LRMDA: variants seen among roughly 807,000 people sequenced by gnomAD.
The protein encoded by LRMDA is leucine-rich melanocyte differentiation-associated protein.
Under a neutral mutation model 29.8 loss-of-function variants are expected in LRMDA, and 18 were observed. The observed-to-expected ratio is 0.60, with a 90% confidence interval of 0.42 to 0.90. The LOEUF is 0.90. Among genes scored for constraint, LRMDA ranks in the 40% least tolerant of loss-of-function variants. The pLI, the probability that LRMDA is intolerant of heterozygous loss-of-function variation, is 0.00. For synonymous variants in LRMDA, 125 were observed against 109.4 expected (o/e 1.14, Z -0.89); for missense variants, 273 against 273.9 (o/e 1.00, Z 0.02).
At chr10:75,661,141 G>A (rs77040688) in intron 2 of LRMDA, among the ~76,000 whole-genome samples, 2,520 of 152,232 alleles carry the variant, frequency 0.017, 61 homozygotes, top group African/African-American at 0.056. Flanking sequence ...AGGCACACGG[G>A]CTGGGGGAGG....
At chr10:76,036,443 GAAA>G (rs1444373880) in intron 3 of LRMDA, among the ~76,000 whole-genome samples, 1 of 152,192 alleles carries the variant, frequency 6.6e-6, no homozygotes, top group African/African-American at 2.4e-5. Context: ...AATAGAGAAA[GAAA>G]ATAATGTCAC....
chr10:75,578,833 GA>G (rs138199632), intron 2 of LRMDA, among the ~76,000 whole-genome samples: 1,476 of 135,512 alleles, frequency 0.011, 16 homozygotes, highest in Middle Eastern at 0.06. Flanking sequence ...GATGTTCTTT[GA>G]AAAAAAAAAA....
chr10:76,437,070 C>G (rs920989144), intron 6 of LRMDA, among the ~76,000 whole-genome samples: 1 of 152,144 alleles, frequency 6.6e-6, no homozygotes, highest in Admixed American at 6.5e-5. Flanking sequence ...GTCTTTTAAT[C>G]ATAGCAATGG....
intron 2 of LRMDA, among the ~76,000 whole-genome samples, chr10:75,962,800 G>A (rs923785740): frequency 3.9e-5 from 6 of 152,158 alleles, no homozygotes; most frequent in African/African-American, 7.2e-5. Context: ...GACCCTGGAC[G>A]CTATTCCTTT....
At chr10:75,536,857 G>T (rs932155577) in intron 2 of LRMDA, among the ~76,000 whole-genome samples, 2 of 152,018 alleles carry the variant, frequency 1.3e-5, no homozygotes, top group Admixed American at 6.6e-5. Context: ...ACTGTGCCTG[G>T]CCTACTGAAG....
intron 5 of LRMDA, among the ~76,000 whole-genome samples, chr10:76,160,205 CT>C (rs566467054): frequency 0.026 from 3,485 of 133,408 alleles, 35 homozygotes; most frequent in African/African-American, 0.037. Context: ...TAAGAGAAGT[CT>C]TTTTTTTTTT....
chr10:76,418,522 A>G (rs1842042021), intron 6 of LRMDA, among the ~76,000 whole-genome samples: 1 of 151,994 alleles, frequency 6.6e-6, no homozygotes. Context: ...AAATTCACTT[A>G]TTTATTCTAA....
chr10:76,264,170 C>T (rs181479621), intron 5 of LRMDA, among the ~76,000 whole-genome samples: 137 of 151,952 alleles, frequency 9.0e-4, no homozygotes, highest in Middle Eastern at 3.4e-3. Flanking sequence ...AGGCCGAGAC[C>T]GGCAGATCAC....
intron 2 of LRMDA, among the ~76,000 whole-genome samples, chr10:75,730,178 C>T (rs11595702): frequency 0.2 from 30,067 of 152,082 alleles, 3,847 homozygotes; most frequent in Admixed American, 0.36. Context: ...AATTCCCTTT[C>T]GTATTCTGCC....
intron 2 of LRMDA, among the ~76,000 whole-genome samples, chr10:75,692,175 C>A (rs1842166736): frequency 6.9e-6 from 1 of 144,060 alleles, no homozygotes; most frequent in Non-Finnish European, 1.5e-5. Context: ...GTACTCCAGC[C>A]TGGGCAACAA....
At chr10:75,730,640 C>G (rs1224711351) in intron 2 of LRMDA, among the ~76,000 whole-genome samples, 1 of 152,142 alleles carries the variant, frequency 6.6e-6, no homozygotes, top group Non-Finnish European at 1.5e-5. Flanking sequence ...GCTGGCCTGG[C>G]CTGGGTTGCT....
chr10:76,489,213 A>AT (rs971235010), intron 6 of LRMDA, among the ~76,000 whole-genome samples: 6 of 151,486 alleles, frequency 4.0e-5, no homozygotes, highest in Non-Finnish European at 5.9e-5. Context: ...GTCTTTTCAG[A>AT]TTTTTTATTT....
At chr10:76,386,236 G>C (rs919767645) in intron 6 of LRMDA, among the ~76,000 whole-genome samples, 16 of 152,022 alleles carry the variant, frequency 1.1e-4, no homozygotes, top group Non-Finnish European at 2.1e-4. Context: ...GGCTTTATTT[G>C]GATTACCAAG....
At chr10:75,551,174 T>C (rs1191852405) in intron 2 of LRMDA, among the ~76,000 whole-genome samples, 1 of 151,710 alleles carries the variant, frequency 6.6e-6, no homozygotes, top group Non-Finnish European at 1.5e-5. Context: ...TTTTTTTTTT[T>C]TTTAACCTAG....
At chr10:75,817,640 A>C (rs1237499632) in intron 2 of LRMDA, among the ~76,000 whole-genome samples, 7 of 152,244 alleles carry the variant, frequency 4.6e-5, no homozygotes, top group Non-Finnish European at 8.8e-5. Context: ...AAAGACACAA[A>C]GACAATGGAT....
chr10:76,379,504 A>G (rs1841563858), intron 6 of LRMDA, among the ~76,000 whole-genome samples: 1 of 152,092 alleles, frequency 6.6e-6, no homozygotes, highest in African/African-American at 2.4e-5. Context: ...ATTTGTATGC[A>G]TAGAAATGCC....
intron 2 of LRMDA, among the ~76,000 whole-genome samples, chr10:75,963,075 GA>G (rs769995645): frequency 6.6e-6 from 1 of 152,160 alleles, no homozygotes; most frequent in Non-Finnish European, 1.5e-5. Context: ...GTCTTTTGCT[GA>G]TCTTCTTACA....
At chr10:75,783,485 CAAAAAA>C (rs55852739) in intron 2 of LRMDA, among the ~76,000 whole-genome samples, 1 of 70,542 alleles carries the variant, frequency 1.4e-5, no homozygotes. Context: ...TGCTCAGAGG[CAAAAAA>C]AAAAAAAAAA....
intron 5 of LRMDA, among the ~76,000 whole-genome samples, chr10:76,266,304 T>C (rs1038090985): frequency 2.0e-5 from 3 of 152,174 alleles, no homozygotes; most frequent in African/African-American, 4.8e-5. Flanking sequence ...TGTTAGAATC[T>C]GGAGACTTAC....
Sources: gnomAD v4.1 joint callset for allele counts (sites outside exome capture counted in the v4.1 genomes callset) on GRCh38, gnomAD v4.1.1 for gene constraint, MANE v1.5 for transcripts, NCBI Gene and HGNC (gene_info 2026-07-23, HGNC 2026-07-21) for gene names.